The following GRM1 variants were observed in gnomAD, a reference collection of about 807,000 sequenced individuals.
GRM1 encodes the protein metabotropic glutamate receptor 1.
In GRM1, 33 loss-of-function variants were observed where a neutral mutation model predicts 90.9. That is an observed-to-expected ratio of 0.36 (90% CI 0.28 to 0.49). The LOEUF (loss-of-function observed/expected upper bound fraction) is 0.49, where lower values mean the gene tolerates loss of function less well. Among genes scored for constraint, GRM1 ranks in the 20% least tolerant of loss-of-function variants. GRM1 has a pLI of 0.99. For missense variants in GRM1, 1,190 were observed against 1,534.3 expected (o/e 0.78, Z 3.75); for synonymous variants, 700 against 613.2 (o/e 1.14, Z -2.09).
chr6:146,349,246 A>T (rs11155463), intron 3 of GRM1, among the ~76,000 whole-genome samples: 7,989 of 140,594 alleles, frequency 0.057, 354 homozygotes, highest in East Asian at 0.23. Flanking sequence ...TTTTTTTTTT[A>T]TTTTTTTTTT....
intron 1 of GRM1, among the ~76,000 whole-genome samples, chr6:146,129,602 A>G (rs1776316478): frequency 6.6e-6 from 1 of 152,106 alleles, no homozygotes; most frequent in African/African-American, 2.4e-5. Context: ...CTTGAGCTGA[A>G]CCTTAGGCTG....
At chr6:146,057,859 AT>A (rs1046966845) in intron 1 of GRM1, among the ~76,000 whole-genome samples, 3 of 151,912 alleles carry the variant, frequency 2.0e-5, no homozygotes, top group East Asian at 1.9e-4. Context: ...TGACTTTTTA[AT>A]TTTTTTTAAG....
chr6:146,291,967 AT>A (rs1346306332), intron 2 of GRM1, among the ~76,000 whole-genome samples: 1 of 152,048 alleles, frequency 6.6e-6, no homozygotes, highest in Admixed American at 6.6e-5. Context: ...AAGGACAGAT[AT>A]TAACATATAG....
chr6:146,403,776 T>C (rs1208357994), intron 7 of GRM1, among the ~76,000 whole-genome samples: 1 of 152,122 alleles, frequency 6.6e-6, no homozygotes. Flanking sequence ...TTTTTTATTT[T>C]TGATACAGTT....
chr6:146,070,586 T>C (rs143936386), intron 1 of GRM1, among the ~76,000 whole-genome samples: 108 of 152,258 alleles, frequency 7.1e-4, no homozygotes, highest in African/African-American at 2.5e-3. Flanking sequence ...ACCTGAGGTT[T>C]ATAGAGCAGC....
intron 1 of GRM1, among the ~76,000 whole-genome samples, chr6:146,032,536 G>A (rs1790744442): frequency 6.6e-6 from 1 of 152,094 alleles, no homozygotes; most frequent in African/African-American, 2.4e-5. Context: ...CACTTCCTTG[G>A]ATCATTTAGT....
chr6:146,226,010 T>C (rs1383476608), intron 2 of GRM1, among the ~76,000 whole-genome samples: 1 of 152,164 alleles, frequency 6.6e-6, no homozygotes, highest in Non-Finnish European at 1.5e-5. Flanking sequence ...ATAACTGTGT[T>C]GTAAATATCC....
chr6:146,246,232 A>T (rs571164945), intron 2 of GRM1, among the ~76,000 whole-genome samples: 2 of 152,172 alleles, frequency 1.3e-5, no homozygotes, highest in Non-Finnish European at 2.9e-5. Flanking sequence ...GCAACAGATG[A>T]GTCTGTACCT....
intron 1 of GRM1, among the ~76,000 whole-genome samples, chr6:146,105,123 T>A (rs1209502150): frequency 6.6e-6 from 1 of 152,146 alleles, no homozygotes; most frequent in Non-Finnish European, 1.5e-5. Context: ...ATAAGTAGGG[T>A]TTTAAAATAA....
intron 1 of GRM1, among the ~76,000 whole-genome samples, chr6:146,098,819 C>T (rs1776955177): frequency 6.6e-6 from 1 of 151,974 alleles, no homozygotes; most frequent in South Asian, 2.1e-4. Context: ...TGGCACTTCT[C>T]CTTCCTGCCA....
At chr6:146,085,353 C>T (rs1776504768) in intron 1 of GRM1, among the ~76,000 whole-genome samples, 1 of 151,996 alleles carries the variant, frequency 6.6e-6, no homozygotes, top group African/African-American at 2.4e-5. Flanking sequence ...GTAAAAGAAA[C>T]ACTAATGCCT....
At chr6:146,033,074 A>G (rs1790763967) in intron 1 of GRM1, among the ~76,000 whole-genome samples, 1 of 152,194 alleles carries the variant, frequency 6.6e-6, no homozygotes, top group Admixed American at 6.5e-5. Flanking sequence ...TTTACATAAA[A>G]TGAAAGAAAA....
chr6:146,412,325 G>A (rs1164768727), intron 7 of GRM1, among the ~76,000 whole-genome samples: 1 of 152,164 alleles, frequency 6.6e-6, no homozygotes, highest in Non-Finnish European at 1.5e-5. Flanking sequence ...GAGGTGAGTA[G>A]TGGGAAAGAC....
chr6:146,342,968 A>T (rs1785034885), intron 3 of GRM1, among the ~76,000 whole-genome samples: 2 of 151,534 alleles, frequency 1.3e-5, no homozygotes, highest in African/African-American at 2.4e-5. Flanking sequence ...TTCAGATTTC[A>T]TCTTTTTTTT....
At chr6:146,035,576 C>G (rs1181527204) in intron 1 of GRM1, among the ~76,000 whole-genome samples, 1 of 151,962 alleles carries the variant, frequency 6.6e-6, no homozygotes, top group East Asian at 1.9e-4. Flanking sequence ...TTTGCAAACA[C>G]TACTGTAAGG....
At chr6:146,112,331 A>G (rs1224225190) in intron 1 of GRM1, among the ~76,000 whole-genome samples, 2 of 151,562 alleles carry the variant, frequency 1.3e-5, no homozygotes, top group African/African-American at 2.4e-5. Context: ...TTTACTTAGC[A>G]TTTTGGAAAG....
At chr6:146,190,698 T>C (rs9497475) in intron 2 of GRM1, among the ~76,000 whole-genome samples, 16,882 of 152,122 alleles carry the variant, frequency 0.11, 1,895 homozygotes, top group African/African-American at 0.29. Context: ...TCTTCAATGG[T>C]TTTTTGGCTC....
At chr6:146,058,770 C>T (rs1775569024) in intron 1 of GRM1, among the ~76,000 whole-genome samples, 1 of 152,080 alleles carries the variant, frequency 6.6e-6, no homozygotes, top group South Asian at 2.1e-4. Flanking sequence ...GTAATGGTCT[C>T]AATCATTTGT....
chr6:146,167,623 C>A (rs900536816), intron 2 of GRM1, among the ~76,000 whole-genome samples: 1 of 152,038 alleles, frequency 6.6e-6, no homozygotes, highest in Non-Finnish European at 1.5e-5. Context: ...TTTTAATTTG[C>A]ATTTTCCTAA....
Sources: gnomAD v4.1 joint callset for allele counts (sites outside exome capture counted in the v4.1 genomes callset) on GRCh38, gnomAD v4.1.1 for gene constraint, MANE v1.5 for transcripts, NCBI Gene and HGNC (gene_info 2026-07-23, HGNC 2026-07-21) for gene names.